Variants in CC2D1A observed in about 807,000 individuals in gnomAD.
CC2D1A encodes coiled-coil and C2 domain-containing protein 1A.
A neutral mutation model predicts 123.8 loss-of-function variants in CC2D1A; 68 were observed. The ratio of observed to expected loss-of-function variants is 0.55; its 90% confidence interval spans 0.45 to 0.67. The LOEUF (loss-of-function observed/expected upper bound fraction) is 0.67. CC2D1A is among the 30% of genes least tolerant of loss of function. The pLI is 0.00. For missense variants in CC2D1A, 1,185 were observed against 1,290.3 expected (o/e 0.92, Z 1.25); for synonymous variants, 477 against 528.0 (o/e 0.90, Z 1.32).
Position 13,918,988 on chromosome 19 carries a change from G to T in CC2D1A, c.1095G>T (p.Gln365His), listed in dbSNP as rs201420492. The T allele has an allele frequency of 1.0e-4, 165 of 1,609,626 alleles. No homozygotes were observed. In the African/African-American group the frequency reaches 2.0e-3, roughly 19 times the overall value. The change falls in exon 10 of 29, where the codon CAG becomes CAT. Residue 365 changes from glutamine (Q) to histidine (H), a missense_variant. By Grantham distance (24) the Gln-to-His change is conservative (BLOSUM62 0). Coordinates refer to ENST00000318003, the MANE Select transcript of CC2D1A (RefSeq NM_017721.5). ...AGCGGTACCAGGTGGCCGCAGCCCA[G>T]GCCAAGAGCAAGGGGGACCAGCGGA... ...RMERYQVAAA[Q>H]AKSKGDQRKA...
intron 2 of CC2D1A, among the ~76,000 whole-genome samples, chr19:13,911,036 G>A (rs1041675060): frequency 3.3e-5 from 5 of 152,098 alleles, no homozygotes; most frequent in African/African-American, 1.2e-4. Context: ...CACACATAGA[G>A]CAAGGTTGTG....
In CC2D1A at chr19:13,929,606, C is replaced by A; in HGVS notation, c.2656C>A (p.Arg886Ser). 3 of 1,596,638 alleles carry A rather than the reference C, an allele frequency of 1.9e-6. No homozygotes were observed. Among genetic ancestry groups the A allele is most frequent in the Non-Finnish European group, 2.6e-6 (3 of 1,174,280 alleles). ...VAQQYQDIMQ[R>S]SQWQRAQLEQ... is the part of the protein sequence containing the mutation. ...CCAGCAGTACCAGGACATCATGCAA[C>A]GCAGCCAGTGGCAGAGGGCACAGCT... Residue 886 changes from arginine to serine, a missense_variant, in exon 26 of 29, where the codon CGC becomes AGC. Arg to Ser is a moderately radical substitution (Grantham distance 110). Transcript: ENST00000318003.
intron 2 of CC2D1A, among the ~76,000 whole-genome samples, chr19:13,912,027 T>A (rs1971018146): frequency 6.6e-6 from 1 of 152,072 alleles, no homozygotes; most frequent in African/African-American, 2.4e-5. Flanking sequence ...ATTTTTGTAT[T>A]TTTAGTAGAG....
At position 13,924,357 on chromosome 19, in the gene CC2D1A, A is replaced by C. The variant is rs920266922; in HGVS notation, c.1940+546A>C. On this transcript the variant is annotated intron_variant, in intron 17 of 28. Transcript: ENST00000318003. ...GGCTAATTTTTTGTATTTTTAGTAG[A>C]GACGGGATTTCACCGTGTTAGCCAG... 4.6e-5 allele frequency among the ~76,000 whole-genome samples: 7 copies of C among 151,470 alleles called. No individual in the cohort carries two copies. The South Asian group carries it at 1.5e-3, about 32-fold the overall frequency.
intron 6 of CC2D1A, among the ~76,000 whole-genome samples, chr19:13,915,345 A>G (rs1482440396): frequency 6.6e-6 from 1 of 152,166 alleles, no homozygotes; most frequent in Admixed American, 6.6e-5. Flanking sequence ...TCCCAGGTTC[A>G]AGTGATTCAC....
chr19:13,922,977 G>C (rs1971458873), intron 14 of CC2D1A, among the ~76,000 whole-genome samples: 1 of 152,144 alleles, frequency 6.6e-6, no homozygotes, highest in South Asian at 2.1e-4. Context: ...CGGATCACTT[G>C]AGGTCAGGAG....
chr19:13,914,790 C>T (rs761160618), intron 6 of CC2D1A, among the ~76,000 whole-genome samples: 31 of 152,174 alleles, frequency 2.0e-4, no homozygotes, highest in Admixed American at 5.9e-4. Flanking sequence ...CATATGCCAC[C>T]GTGCCCCATG....
rs780812392 is a variant in CC2D1A at position 13,913,465 on chromosome 19, C to T, written c.575C>T (p.Pro192Leu). 1.5e-5 allele frequency: 24 copies of T among 1,614,210 alleles called. No homozygotes were observed. The East Asian group carries it at 3.1e-4, about 21-fold the overall frequency. Residue 192 changes from proline to leucine, a missense_variant, in exon 6 of 29, where the codon CCG (proline) becomes CTG (leucine). By Grantham distance (98) the Pro-to-Leu change is moderately conservative. Transcript: ENST00000318003. ...KGNAIDEADI[P>L]PPVAIGKGPA... The stretch of plus-strand genomic sequence containing the variant: ...AATGCCATTGACGAAGCGGACATCC[C>T]GCCGCCAGTGGCCATAGGAAAAGGC...
Position 13,927,087 on chromosome 19 carries a change from A to G in CC2D1A, c.2225+10A>G. On this transcript the variant is annotated intron_variant, in intron 21 of 28. Transcript: ENST00000318003. ...AAGTGGTTCACAAGGGGTGAGCTAG[A>G]GAGAGCCATGGCCGCTGGGTGGGCT... 1 of 1,613,724 alleles carries G rather than the reference A, an allele frequency of 6.2e-7. No homozygotes were observed. Among genetic ancestry groups the G allele is most frequent in the Non-Finnish European group, 8.5e-7 (1 of 1,179,710 alleles).
chr19:13,908,098 C>T (rs9989648), intron 1 of CC2D1A, among the ~76,000 whole-genome samples: 5,220 of 152,108 alleles, frequency 0.034, 298 homozygotes, highest in African/African-American at 0.12. Context: ...CTCCGCTTCC[C>T]GGGTTCAAGC....
At chr19:13,914,248 A>G (rs1004468328) in intron 6 of CC2D1A, among the ~76,000 whole-genome samples, 1 of 151,902 alleles carries the variant, frequency 6.6e-6, no homozygotes, top group Non-Finnish European at 1.5e-5. Context: ...ATCATAGCTC[A>G]GTGTAGCCTC....
chr19:13,920,931 T>C lies in CC2D1A; in HGVS notation c.1641+9T>C, dbSNP rs780776192. 34 of 1,605,264 alleles carry C rather than the reference T, an allele frequency of 2.1e-5. No homozygotes were observed. Among genetic ancestry groups the C allele is most frequent in the East Asian group, 4.5e-5 (2 of 44,720 alleles). ...CTGTGGACATCACCAAGGTGAACCT[T>C]CTGGGCTTGTGGGAACTGCCCAGGC... On this transcript the variant is annotated intron_variant, in intron 14 of 28. Coordinates refer to ENST00000318003, the MANE Select transcript of CC2D1A (RefSeq NM_017721.5).
intron 17 of CC2D1A, among the ~76,000 whole-genome samples, chr19:13,924,295 C>T (rs1371031371): frequency 3.3e-5 from 5 of 152,030 alleles, no homozygotes; most frequent in African/African-American, 4.8e-5. Context: ...CTCAGCCTCC[C>T]GAGAAGCTGG....
Position 13,918,576 on chromosome 19 carries a change from G to T in CC2D1A, c.946G>T (p.Asp316Tyr). ...CCTCTCCTGCCTGCCCCCTCCACCCGGTGAGAACCCTGCCATGCCCACTCT... is the reference window on the plus strand; with the variant it reads ...CCTCTCCTGCCTGCCCCCTCCACCCTGTGAGAACCCTGCCATGCCCACTCT... ...VDLSCLPPPP[D>Y]QLPPDPPSPP... The change falls in exon 8 of 29, where the codon GAC becomes TAC. Residue 316 changes from aspartate to tyrosine, a missense_variant and splice_region_variant. Transcript: ENST00000318003. The T allele has an allele frequency of 6.2e-7, 1 of 1,612,982 alleles. No homozygotes were observed. Among genetic ancestry groups the T allele is most frequent in the Non-Finnish European group, 8.5e-7 (1 of 1,179,792 alleles).
Position 13,928,040 on chromosome 19 carries a change from C to T in CC2D1A, c.2454+10C>T. The T allele has an allele frequency of 6.2e-7, 1 of 1,611,078 alleles. No homozygotes were observed. The highest frequency in any genetic ancestry group is 8.5e-7 in the Non-Finnish European group (1 of 1,177,666). ...GGCAGCTGTGCCCACAGTGAGACCC[C>T]CCACCCCCACCCATCAGCAACCCCA... On this transcript the variant is annotated intron_variant, in intron 23 of 28. Coordinates refer to ENST00000318003, the MANE Select transcript of CC2D1A (RefSeq NM_017721.5).
rs1376998359 is a variant in CC2D1A, at chr19:13,925,955, TATATAC to T, written c.1941-560_1941-555del. Among the ~76,000 whole-genome samples the T allele has an allele frequency of 3.9e-4, 51 of 129,432 alleles. 1 individual carries two copies. The highest frequency in any genetic ancestry group is 1.6e-3 in the African/African-American group (49 of 30,532). 84.9% of individuals were successfully genotyped at this position (129,432 alleles called of 152,430 possible). ...AAAAATATATATATATATATATATA[TATATAC>T]ACGTATATATATGTGTATATATATA... On this transcript the variant is annotated intron_variant, in intron 17 of 28. Transcript: ENST00000318003.
At chr19:13,925,959 T>TAC (rs1465757245) in intron 17 of CC2D1A, among the ~76,000 whole-genome samples, 5 of 120,396 alleles carry the variant, frequency 4.2e-5, no homozygotes, top group South Asian at 2.5e-4. Flanking sequence ...TATATATATA[T>TAC]ACACGTATAT....
chr19:13,918,187 T>A lies in CC2D1A; in HGVS notation c.866T>A (p.Val289Glu), dbSNP rs761034947. The A allele has an allele frequency of 6.3e-7, 1 of 1,587,172 alleles. No individual in the cohort carries two copies. The highest frequency in any genetic ancestry group is 2.3e-5 in the East Asian group (1 of 43,956). The change falls in exon 7 of 29, where the codon GTG becomes GAG. Residue 289 changes from valine (V) to glutamate (E), a missense_variant. Coordinates refer to ENST00000318003, the MANE Select transcript of CC2D1A (RefSeq NM_017721.5). Reference sequence around the variant, plus strand: ...ACTGCTGCCGCTAGACACTTCCGCGTGGCTAAGGTGCGTCCAGCCTGACGG... The same window carrying A: ...ACTGCTGCCGCTAGACACTTCCGCGAGGCTAAGGTGCGTCCAGCCTGACGG... ...DTTAAARHFR[V>E]AKSFDAVLEA...
chr19:13,916,587 T>C (rs1425736745), intron 6 of CC2D1A, among the ~76,000 whole-genome samples: 1 of 152,072 alleles, frequency 6.6e-6, no homozygotes, highest in Admixed American at 6.6e-5. Context: ...TAAAATAAGC[T>C]TGATGTATTT....
Sources: allele counts gnomAD v4.1 joint callset (sites outside exome capture counted in the v4.1 genomes callset), GRCh38; gene constraint gnomAD v4.1.1; transcripts MANE v1.5; gene names NCBI Gene and HGNC (gene_info 2026-07-23, HGNC 2026-07-21).